ARSG: variants seen among roughly 807,000 people sequenced by gnomAD.
ARSG encodes arylsulfatase G.
In ARSG, 37 loss-of-function variants were observed where a neutral mutation model predicts 50.5. The ratio of observed to expected loss-of-function variants is 0.73; its 90% CI spans 0.56 to 0.96. The LOEUF (loss-of-function observed/expected upper bound fraction) is 0.96, where lower values mean the gene tolerates loss of function less well. Ranked by LOEUF, ARSG falls within the 50% of genes least tolerant of loss-of-function variation. The pLI is 0.00. For synonymous variants in ARSG, 225 were observed against 254.6 expected (o/e 0.88, Z 1.11); for missense variants, 629 against 675.3 (o/e 0.93, Z 0.76).
intron 3 of ARSG, among the ~76,000 whole-genome samples, chr17:68,346,118 C>T (rs1048107566): frequency 1.2e-4 from 18 of 152,026 alleles, no homozygotes; most frequent in African/African-American, 3.9e-4. Flanking sequence ...TCATGTGATC[C>T]GCCTGCCTCG....
chr17:68,397,458 T>G (rs189885945), intron 10 of ARSG, among the ~76,000 whole-genome samples: 179 of 152,286 alleles, frequency 1.2e-3, no homozygotes, highest in Middle Eastern at 3.4e-3. Flanking sequence ...GATAAGATTC[T>G]GAAGTTTGAG....
chr17:68,331,788 C>T (rs1041955638), intron 2 of ARSG, among the ~76,000 whole-genome samples: 25 of 151,964 alleles, frequency 1.6e-4, no homozygotes, highest in African/African-American at 4.1e-4. Flanking sequence ...GCTGGGTGTC[C>T]GGGGGAGACA....
the ARSG span, chr17:68,428,702 T>C: frequency 7.1e-6 from 5 of 704,810 alleles, no homozygotes; most frequent in Non-Finnish European, 1.2e-5. Flanking sequence ...CACTAGAGGT[T>C]TGCCACTGAG....
intron 1 of ARSG, among the ~76,000 whole-genome samples, chr17:68,305,377 T>G (rs1364033787): frequency 3.3e-5 from 5 of 152,226 alleles, no homozygotes; most frequent in Admixed American, 3.3e-4. Context: ...GTTTTTGTTT[T>G]CCAGCAACTT....
intron 9 of ARSG, among the ~76,000 whole-genome samples, chr17:68,391,747 A>G (rs887203605): frequency 1.3e-5 from 2 of 152,162 alleles, no homozygotes; most frequent in Admixed American, 1.3e-4. Flanking sequence ...GACTCTGGAC[A>G]GGTTTCTGGA....
At chr17:68,355,225 T>A (rs2078977654) in intron 5 of ARSG, among the ~76,000 whole-genome samples, 1 of 152,222 alleles carries the variant, frequency 6.6e-6, no homozygotes, top group Non-Finnish European at 1.5e-5. Flanking sequence ...CCTCCAATGC[T>A]ACGGATAAGG....
At chr17:68,337,333 G>T (rs1017166428) in intron 2 of ARSG, among the ~76,000 whole-genome samples, 1 of 152,140 alleles carries the variant, frequency 6.6e-6, no homozygotes, top group African/African-American at 2.4e-5. Context: ...TTAGAGAGTG[G>T]GGCTGTCTGA....
intron 6 of ARSG, among the ~76,000 whole-genome samples, chr17:68,362,543 A>G (rs1183220335): frequency 2.6e-5 from 4 of 151,610 alleles, no homozygotes; most frequent in East Asian, 1.9e-4. Flanking sequence ...TACACCTTCC[A>G]CAGCAACTTG....
chr17:68,427,901 CT>C, the ARSG span, among the ~76,000 whole-genome samples: 1 of 151,734 alleles, frequency 6.6e-6, no homozygotes, highest in African/African-American at 2.4e-5. Context: ...GTTTTCTTTT[CT>C]TTTTTGAGAC....
chr17:68,294,220 A>G (rs1555757361), intron 1 of ARSG, among the ~76,000 whole-genome samples: 1 of 152,126 alleles, frequency 6.6e-6, no homozygotes, highest in African/African-American at 2.4e-5. Context: ...TGATGCCCTT[A>G]AGAAGACCCC....
Position 68,395,175 on chromosome 17 carries a change from G to C in ARSG, c.1194G>C (p.Arg398=). ...ACGTCTCCGAGGTGCTCTTTGGCCG[G>C]TCACAGCCTGGGCACAGGGTAAGTG... ...GVDVSEVLFG[R]SQPGHRVLFH... The change falls in exon 10 of 12, where the codon CGG becomes CGC. Residue 398 remains arginine (R), a synonymous_variant. Coordinates refer to ENST00000621439, the MANE Select transcript of ARSG (RefSeq NM_001267727.2). The C allele has an allele frequency of 6.2e-7, 1 of 1,614,044 alleles. No homozygotes were observed. Among genetic ancestry groups the C allele is most frequent in the Non-Finnish European group, 8.5e-7 (1 of 1,179,928 alleles).
chr17:68,376,640 C>G (rs2080165243), intron 8 of ARSG, among the ~76,000 whole-genome samples: 1 of 151,918 alleles, frequency 6.6e-6, no homozygotes, highest in Non-Finnish European at 1.5e-5. Context: ...ACCCCATATC[C>G]TTTAAACAGT....
intron 6 of ARSG, among the ~76,000 whole-genome samples, chr17:68,366,677 A>ATGTGTGTGTGTGTGTGTGTG (rs3072873): frequency 1.6e-4 from 24 of 148,254 alleles, no homozygotes; most frequent in African/African-American, 6.0e-4. Context: ...GAATTTATGT[A>ATGTGTGTGTGTGTGTGTGTG]TGTGTGTGTG....
chr17:68,335,461 G>A lies in ARSG; in HGVS notation c.219-8143G>A, dbSNP rs1045224680. On this transcript the variant is annotated intron_variant, in intron 2 of 11. Transcript: ENST00000621439. Reference sequence around the variant, plus strand: ...CCCAGCTACTCGGGAGGCTGAGACAGGAGAATGGCGTGAACCCAGGAGGCG... The same window carrying A: ...CCCAGCTACTCGGGAGGCTGAGACAAGAGAATGGCGTGAACCCAGGAGGCG... 2.0e-5 allele frequency among the ~76,000 whole-genome samples: 3 copies of A among 151,786 alleles called. No homozygotes were observed. The South Asian group carries it at 6.2e-4, about 32-fold the overall frequency.
intron 11 of ARSG, among the ~76,000 whole-genome samples, chr17:68,404,717 A>G (rs72841869): frequency 0.02 from 3,072 of 152,246 alleles, 113 homozygotes; most frequent in South Asian, 0.14. Context: ...GATCAGTATT[A>G]TTTCTTTCAT....
chr17:68,338,206 A>G (rs528860920), intron 2 of ARSG, among the ~76,000 whole-genome samples: 30 of 152,008 alleles, frequency 2.0e-4, no homozygotes, highest in African/African-American at 7.0e-4. Flanking sequence ...GTGTGCATGC[A>G]TGTGTGTTTT....
intron 1 of ARSG, among the ~76,000 whole-genome samples, chr17:68,260,090 A>T (rs2075049343): frequency 6.6e-6 from 1 of 152,152 alleles, no homozygotes; most frequent in South Asian, 2.1e-4. Context: ...TTCATTTTCA[A>T]GGGCCTGGTA....
intron 2 of ARSG, among the ~76,000 whole-genome samples, chr17:68,313,867 C>G (rs1015630309): frequency 6.6e-6 from 1 of 151,918 alleles, no homozygotes; most frequent in African/African-American, 2.4e-5. Flanking sequence ...TTAGTAGAGA[C>G]GGAGTTTTGC....
At position 68,261,023 on chromosome 17, in the gene ARSG, A is replaced by G. The variant is rs191994787; in HGVS notation, c.-552+1597A>G. 8.0e-4 allele frequency among the ~76,000 whole-genome samples: 122 copies of G among 152,236 alleles called. 2 individuals carry two copies. Among genetic ancestry groups the G allele is most frequent in the Admixed American group, 2.6e-3 (39 of 15,280 alleles). On this transcript the variant is annotated intron_variant, in intron 1 of 11. Transcript: ENST00000448504. ...TTTACAACTGACCCACCCATATAGT[A>G]CACTACTGCTGGGCACTCTGAGACC... is the stretch of plus-strand genomic sequence containing the variant.
Sources: gnomAD v4.1 joint callset for allele counts (sites outside exome capture counted in the v4.1 genomes callset) on GRCh38, gnomAD v4.1.1 for gene constraint, MANE v1.5 for transcripts, NCBI Gene and HGNC (gene_info 2026-07-23, HGNC 2026-07-21) for gene names.